Variants in MARCHF11 observed in about 807,000 individuals in gnomAD.
MARCHF11 encodes membrane associated ring-CH-type finger 11, also known as E3 ubiquitin-protein ligase MARCHF11.
In MARCHF11, 29 loss-of-function variants were observed where a neutral mutation model predicts 37.3. The observed-to-expected ratio is 0.78, with a 90% CI of 0.58 to 1.06. The LOEUF is 1.06. MARCHF11 is among the 50% of genes least tolerant of loss of function. The pLI is 0.00. For missense variants in MARCHF11, 482 were observed against 533.4 expected (o/e 0.90, Z 0.95); for synonymous variants, 233 against 228.0 (o/e 1.02, Z -0.20).
At chr5:16,177,987 T>C in intron 1 of MARCHF11, 106 bp from the exon 2 acceptor site, 1 of 1,056,496 alleles carries the variant, frequency 9.5e-7, no homozygotes, top group Non-Finnish European at 1.3e-6. Context: ...GGATACAGCA[T>C]CAGGCTCTAT....
At chr5:16,108,219 C>A (rs1276112933) in intron 2 of MARCHF11, among the ~76,000 whole-genome samples, 9 of 152,066 alleles carry the variant, frequency 5.9e-5, no homozygotes, top group Admixed American at 1.3e-4. Flanking sequence ...GGGGCTGGGG[C>A]CCAAAGTGCC....
At chr5:16,081,379 C>T (rs1328277648) in intron 3 of MARCHF11, among the ~76,000 whole-genome samples, 3 of 152,198 alleles carry the variant, frequency 2.0e-5, no homozygotes, top group African/African-American at 2.4e-5. Context: ...GGCTGCATCC[C>T]GGTACAACTT....
At position 16,177,752 on chromosome 5, in the gene MARCHF11, C is replaced by T. The variant is rs1385457054; in HGVS notation, c.667G>A (p.Ala223Thr). ...ELCCYRYHVI[A>T]IKMKQPCQWQ... Reference sequence around the variant, plus strand: ...TGGCAAGGTTGTTTCATTTTAATGGCTATAACATGGTATCTATAACAGCAA... The same window carrying T: ...TGGCAAGGTTGTTTCATTTTAATGGTTATAACATGGTATCTATAACAGCAA... The change falls in exon 2 of 4, where the codon GCC becomes ACC. Residue 223 changes from alanine (A) to threonine (T), a missense_variant. Ala to Thr is a moderately conservative substitution (Grantham distance 58, BLOSUM62 0). Transcript: ENST00000332432. 6.2e-7 allele frequency: 1 copy of T among 1,609,978 alleles called. No homozygotes were observed. The highest frequency in any genetic ancestry group is 8.5e-7 in the Non-Finnish European group (1 of 1,178,700).
intron 3 of MARCHF11, among the ~76,000 whole-genome samples, chr5:16,081,372 T>A (rs1736604539): frequency 1.3e-5 from 2 of 152,236 alleles, no homozygotes. Context: ...TGGATATGGC[T>A]GCATCCCGGT....
chr5:16,176,593 T>C (rs1258897546), intron 2 of MARCHF11, among the ~76,000 whole-genome samples: 1 of 152,188 alleles, frequency 6.6e-6, no homozygotes, highest in African/African-American at 2.4e-5. Flanking sequence ...TTGTGGTTGC[T>C]AATCATGCAT....
At chr5:16,122,344 G>A (rs1227835766) in intron 2 of MARCHF11, among the ~76,000 whole-genome samples, 2 of 152,152 alleles carry the variant, frequency 1.3e-5, no homozygotes, top group Admixed American at 1.3e-4. Context: ...CATTATGAGA[G>A]CCAGTCTTGC....
chr5:16,115,548 T>C (rs1371357860), intron 2 of MARCHF11, among the ~76,000 whole-genome samples: 1 of 152,224 alleles, frequency 6.6e-6, no homozygotes, highest in Non-Finnish European at 1.5e-5. Flanking sequence ...TCTGGTACTT[T>C]TAATACATTG....
intron 3 of MARCHF11, among the ~76,000 whole-genome samples, chr5:16,073,851 G>T (rs112082166): frequency 0.018 from 2,808 of 152,084 alleles, 71 homozygotes; most frequent in African/African-American, 0.064. Flanking sequence ...ATGTAAAAAA[G>T]TAGCCCACAT....
At chr5:16,176,980 T>C (rs2126613260) in intron 2 of MARCHF11, among the ~76,000 whole-genome samples, 1 of 152,346 alleles carries the variant, frequency 6.6e-6, no homozygotes, top group East Asian at 1.9e-4. Flanking sequence ...TATTTTATAT[T>C]CTACCTGTCT....
chr5:16,113,254 A>G (rs1436782891), intron 2 of MARCHF11, among the ~76,000 whole-genome samples: 1 of 152,242 alleles, frequency 6.6e-6, no homozygotes, highest in East Asian at 1.9e-4. Context: ...TCATTGTAAC[A>G]TAATTTTTTT....
At chr5:16,085,879 G>A (rs1024745160) in intron 3 of MARCHF11, among the ~76,000 whole-genome samples, 15 of 140,028 alleles carry the variant, frequency 1.1e-4, no homozygotes, top group African/African-American at 4.0e-4. Context: ...GGTGGAGCTT[G>A]CAGTGAGCCG....
rs1364043430 is a variant in MARCHF11 at position 16,179,312 on chromosome 5, G to T, written c.264C>A (p.Pro88=). The change falls in exon 1 of 4, where the codon CCC becomes CCA. Residue 88 remains proline, a synonymous_variant. Transcript: ENST00000332432. ...CCACTTCCTGGCCGGCGGGCTGCAG[G>T]GGCAGGGGCGGAGGCGGCAGCTCGT... ...GADELPPPPL[P]LQPAGQEVAA... 1 of 1,249,100 alleles carries T rather than the reference G, an allele frequency of 8.0e-7. No homozygotes were observed. The highest frequency in any genetic ancestry group is 1.6e-5 in the African/African-American group (1 of 63,210). 77.4% of individuals were successfully genotyped at this position (1,249,100 alleles called of 1,614,324 possible).
chr5:16,090,855 G>A, intron 3 of MARCHF11, 34 bp downstream of exon 3: 1 of 1,411,666 alleles, frequency 7.1e-7, no homozygotes, highest in East Asian at 2.5e-5. Flanking sequence ...ATGGATTACT[G>A]ACAGTGTGTT....
In MARCHF11 at chr5:16,125,271, G is replaced by A. The variant is rs116079781; in HGVS notation, c.694-34190C>T. 5.9e-3 allele frequency among the ~76,000 whole-genome samples: 868 copies of A among 147,338 alleles called. 28 individuals carry two copies. Among genetic ancestry groups the A allele is most frequent in the Non-Finnish European group, 7.6e-3 (494 of 65,032 alleles). On this transcript the variant is annotated intron_variant, in intron 2 of 3. Transcript: ENST00000332432. Reference sequence around the variant, plus strand: ...ATCTGATGTTTGAACTGAATACTGGGCCCAAAGCCAATCTGTATATTAAAC... The same window carrying A: ...ATCTGATGTTTGAACTGAATACTGGACCCAAAGCCAATCTGTATATTAAAC...
chr5:16,139,983 C>T (rs1385081598), intron 2 of MARCHF11, among the ~76,000 whole-genome samples: 1 of 152,066 alleles, frequency 6.6e-6, no homozygotes, highest in Non-Finnish European at 1.5e-5. Flanking sequence ...TTGCTGTTGA[C>T]AATGTAATAA....
At chr5:16,102,842 C>CAAG in intron 2 of MARCHF11, among the ~76,000 whole-genome samples, 1 of 152,276 alleles carries the variant, frequency 6.6e-6, no homozygotes, top group South Asian at 2.1e-4. Context: ...GGCACTTGCC[C>CAAG]TGGCTCCTGG....
At position 16,150,479 on chromosome 5, in the gene MARCHF11, T is replaced by C. The variant is rs1737872007; in HGVS notation, c.693+27247A>G. Among the ~76,000 whole-genome samples the C allele has an allele frequency of 2.0e-5, 3 of 149,656 alleles. 1 individual carries two copies. Among genetic ancestry groups the C allele is most frequent in the African/African-American group, 7.7e-5 (3 of 39,162 alleles). ...GGGCAAGCCTGAGAGCCCTGCATTG[T>C]CTCTGTGAGTGGGAAAAGTATTGGG... On this transcript the variant is annotated intron_variant, in intron 2 of 3. Transcript: ENST00000332432.
intron 2 of MARCHF11, among the ~76,000 whole-genome samples, chr5:16,117,494 A>C (rs1362265602): frequency 6.6e-6 from 1 of 152,206 alleles, no homozygotes; most frequent in African/African-American, 2.4e-5. Flanking sequence ...AACAGCACAC[A>C]TGTAGGTAAT....
intron 2 of MARCHF11, among the ~76,000 whole-genome samples, chr5:16,137,157 G>A (rs1388525445): frequency 6.6e-6 from 1 of 152,088 alleles, no homozygotes; most frequent in Non-Finnish European, 1.5e-5. Flanking sequence ...GCTCCCCAAG[G>A]GTGAAAAATC....
Sources: gnomAD v4.1 joint callset for allele counts (sites outside exome capture counted in the v4.1 genomes callset) on GRCh38, gnomAD v4.1.1 for gene constraint, MANE v1.5 for transcripts, NCBI Gene and HGNC (gene_info 2026-07-23, HGNC 2026-07-21) for gene names.